Variants in USP31 observed in about 807,000 individuals in gnomAD.
USP31 encodes ubiquitin specific peptidase 31.
Under a neutral mutation model 119.4 loss-of-function variants are expected in USP31, and 44 were observed. The observed-to-expected ratio is 0.37, with a 90% CI of 0.29 to 0.47. The LOEUF is 0.47. USP31 is among the 20% of genes least tolerant of loss of function. The pLI is 0.99. For synonymous variants in USP31, 749 were observed against 705.6 expected, an observed-to-expected ratio of 1.06 and a Z score of -0.97; for missense variants, 1,643 against 1,730.2, an observed-to-expected ratio of 0.95 and a Z score of 0.89.
chr16:23,143,786 G>T (rs1198096883), intron 1 of USP31, among the ~76,000 whole-genome samples: 1 of 152,036 alleles, frequency 6.6e-6, no homozygotes, highest in Non-Finnish European at 1.5e-5. Context: ...ACATTTAGCA[G>T]CATCCCTGGA....
chr16:23,136,618 C>T (rs1391910780), intron 1 of USP31, among the ~76,000 whole-genome samples: 2 of 148,748 alleles, frequency 1.3e-5, no homozygotes, highest in African/African-American at 2.5e-5. Context: ...CGTGCCACTG[C>T]ACTCCAGCCT....
chr16:23,073,932 C>T, intron 13 of USP31, 52 bp from the exon 14 acceptor site: 1 of 1,612,130 alleles, frequency 6.2e-7, no homozygotes, highest in Non-Finnish European at 8.5e-7. Flanking sequence ...CCAGCCACTT[C>T]ATGCGACCCA....
At position 23,063,739 on chromosome 16, in the gene USP31, T is replaced by A. The variant is rs940262653; in HGVS notation, c.*4307A>T. 6.6e-6 allele frequency: 1 copy of A among 152,018 alleles called. No homozygotes were observed. Among genetic ancestry groups the A allele is most frequent in the African/African-American group, 2.4e-5 (1 of 41,422 alleles). The allele number at this position is 152,018 out of a possible 1,614,324, so 9.4% of individuals were successfully genotyped here. A position where few individuals can be genotyped will look rare whatever the true frequency, so the allele number is the denominator to read the frequency against. The stretch of plus-strand genomic sequence containing the variant: ...TAGAGCTCCATAATTGTTGCCTTTT[T>A]TTTTTAAGACTTAACATTTCATGTC... On this transcript the variant is annotated 3_prime_UTR_variant, in exon 16 of 16. Coordinates refer to ENST00000219689, the MANE Select transcript of USP31 (RefSeq NM_020718.4).
chr16:23,081,213 G>A (rs370995487), intron 12 of USP31, among the ~76,000 whole-genome samples: 1 of 152,178 alleles, frequency 6.6e-6, no homozygotes. Flanking sequence ...TGGAAGGGTG[G>A]TGACATGCCT....
chr16:23,080,468 G>A (rs1900770908), intron 12 of USP31, among the ~76,000 whole-genome samples: 1 of 152,044 alleles, frequency 6.6e-6, no homozygotes, highest in African/African-American at 2.4e-5. Context: ...AAAAAAAAAT[G>A]ACAGTATCAG....
chr16:23,079,997 G>C lies in USP31; in HGVS notation c.2125C>G (p.Leu709Val). ...GRDPEDYIYD[L>V]YAVCNHHGTM... Reference sequence around the variant, plus strand: ...CCATGGTGATTGCACACAGCATACAGGTCATAGATGTAGTCCTCAGGGTCC... The same window carrying C: ...CCATGGTGATTGCACACAGCATACACGTCATAGATGTAGTCCTCAGGGTCC... The change falls in exon 13 of 16, where the codon CTG becomes GTG. Residue 709 changes from leucine to valine, a missense_variant. Coordinates refer to ENST00000219689, the MANE Select transcript of USP31 (RefSeq NM_020718.4). The C allele has an allele frequency of 6.2e-7, 1 of 1,614,108 alleles. No homozygotes were observed. Among genetic ancestry groups the C allele is most frequent in the Non-Finnish European group, 8.5e-7 (1 of 1,180,016 alleles).
chr16:23,118,451 C>G (rs1902566786), intron 1 of USP31, among the ~76,000 whole-genome samples: 1 of 151,778 alleles, frequency 6.6e-6, no homozygotes. Flanking sequence ...ATTTTTTTTT[C>G]AAGTGTGACT....
chr16:23,105,804 C>T (rs918479515), intron 4 of USP31, among the ~76,000 whole-genome samples: 18 of 151,892 alleles, frequency 1.2e-4, no homozygotes, highest in Admixed American at 1.0e-3. Context: ...ATGAAGCAAA[C>T]AAAAATATAT....
chr16:23,087,225 C>A, intron 8 of USP31, 39 bp from the exon 9 acceptor site: 1 of 1,584,272 alleles, frequency 6.3e-7, no homozygotes, highest in Non-Finnish European at 8.6e-7. Context: ...CCAAATTTTT[C>A]TTCAAGGGCA....
At position 23,085,958 on chromosome 16, in the gene USP31, T is replaced by C. The variant is rs188574117; in HGVS notation, c.1623-296A>G. On this transcript the variant is annotated intron_variant, in intron 9 of 15. Transcript: ENST00000219689. ...GTTGATGATCACTCTCAGATAGTCA[T>C]TATGACCTTCCCAATTTCTTGCCCA... Among the ~76,000 whole-genome samples, 127 of 152,296 alleles carry C rather than the reference T, an allele frequency of 8.3e-4. 1 individual carries two copies. The highest frequency in any genetic ancestry group is 1.2e-3 in the Non-Finnish European group (84 of 68,020).
rs746240924 is a variant in USP31 at position 23,144,352 on chromosome 16, G to T, written c.633+4286C>A. Among the ~76,000 whole-genome samples, 12 of 152,264 alleles carry T rather than the reference G, an allele frequency of 7.9e-5. No homozygotes were observed. The East Asian group carries it at 1.7e-3, about 22-fold the overall frequency. ...CTGGAGCCCTTCTAGAACTGAGCAG[G>T]ATTCTAAGGCTGAATGTGAGCGATG... is the stretch of plus-strand genomic sequence containing the variant. On this transcript the variant is annotated intron_variant, in intron 1 of 15. Coordinates refer to ENST00000219689, the MANE Select transcript of USP31 (RefSeq NM_020718.4).
chr16:23,068,213 G>A lies in USP31; in HGVS notation c.3892C>T (p.Pro1298Ser), dbSNP rs980437808. 4 of 1,614,026 alleles carry A rather than the reference G, an allele frequency of 2.5e-6. No homozygotes were observed. The South Asian group carries it at 3.3e-5, about 13-fold the overall frequency. Residue 1298 changes from proline to serine, a missense_variant, in exon 16 of 16, where the codon CCT becomes TCT. Around this residue, in one of 5 missense-constraint regions of USP31, gnomAD observed 699 missense variants for 650.9 expected, o/e 1.07. Transcript: ENST00000219689. Reference protein sequence around the residue: ...TGKEQLVTKDPASAKHSLLSA... With the variant: ...TGKEQLVTKDSASAKHSLLSA... ...AGCAGGGAATGTTTGGCAGAAGCAG[G>A]GTCCTTGGTGACAAGCTGCTCTTTT...
intron 1 of USP31, among the ~76,000 whole-genome samples, chr16:23,124,256 G>A (rs951464343): frequency 6.6e-6 from 1 of 152,096 alleles, no homozygotes; most frequent in Non-Finnish European, 1.5e-5. Context: ...AAGTCACCAA[G>A]GAACAACTGA....
intron 6 of USP31, among the ~76,000 whole-genome samples, chr16:23,095,908 A>C (rs1901585684): frequency 6.6e-6 from 1 of 152,242 alleles, no homozygotes; most frequent in Non-Finnish European, 1.5e-5. Flanking sequence ...AATTGTAAAG[A>C]CCATCAATGC....
chr16:23,088,125 G>A (rs957912099), intron 7 of USP31, among the ~76,000 whole-genome samples: 1 of 152,204 alleles, frequency 6.6e-6, no homozygotes. Flanking sequence ...AGCACAGGGG[G>A]TGGGAGTGGA....
intron 4 of USP31, 45 bp downstream of exon 4, chr16:23,106,168 T>C: frequency 6.2e-7 from 1 of 1,608,280 alleles, no homozygotes; most frequent in Non-Finnish European, 8.5e-7. Context: ...GGCAAAGGGA[T>C]ACCATAAGAA....
At chr16:23,090,923 C>T in intron 6 of USP31, 119 bp from the exon 7 acceptor site, 4 of 927,436 alleles carry the variant, frequency 4.3e-6, no homozygotes, top group Non-Finnish European at 6.0e-6. Flanking sequence ...GTAAATTAAA[C>T]TGCAATCAAA....
chr16:23,132,523 A>G (rs1192712760), intron 1 of USP31, among the ~76,000 whole-genome samples: 6 of 152,172 alleles, frequency 3.9e-5, no homozygotes, highest in African/African-American at 1.2e-4. Flanking sequence ...AGCAGAGTCA[A>G]ACTAAAAACT....
intron 1 of USP31, among the ~76,000 whole-genome samples, chr16:23,141,567 AGGGTTTC>A (rs1192840513): frequency 6.6e-6 from 1 of 152,054 alleles, no homozygotes; most frequent in Admixed American, 6.6e-5. Flanking sequence ...TTGGAGAGAC[AGGGTTTC>A]GCCTGTTGCC....
Sources: allele counts gnomAD v4.1 joint callset (sites outside exome capture counted in the v4.1 genomes callset), GRCh38; gene constraint gnomAD v4.1.1; regional missense constraint gnomAD v4.1.1; transcripts MANE v1.5; gene names NCBI Gene and HGNC (gene_info 2026-07-23, HGNC 2026-07-21).